Variants in WNK2 observed in about 807,000 individuals in gnomAD.
The protein encoded by WNK2 is serine/threonine-protein kinase WNK2.
Under a neutral mutation model 192.1 loss-of-function variants are expected in WNK2, and 67 were observed. That is an observed-to-expected ratio of 0.35 (90% confidence interval 0.29 to 0.43). The LOEUF is 0.43. Ranked by LOEUF, WNK2 falls within the 20% of genes least tolerant of loss-of-function variation. The pLI is 1.00. For missense variants in WNK2, 2,698 were observed against 3,089.7 expected, an observed-to-expected ratio of 0.87 and a Z score of 3.01; for synonymous variants, 1,439 against 1,393.9, an observed-to-expected ratio of 1.03 and a Z score of -0.72.
At chr9:93,209,982 A>G (rs1041692074) in intron 2 of WNK2, among the ~76,000 whole-genome samples, 6 of 151,896 alleles carry the variant, frequency 4.0e-5, no homozygotes, top group Non-Finnish European at 8.8e-5. Context: ...GGCCTGGGAG[A>G]GATGGAAGAT....
chr9:93,248,103 T>G (rs1389552908), intron 8 of WNK2, among the ~76,000 whole-genome samples: 1 of 152,216 alleles, frequency 6.6e-6, no homozygotes, highest in Non-Finnish European at 1.5e-5. Context: ...CCAGCACCTT[T>G]GGTGCCAGGG....
intron 2 of WNK2, among the ~76,000 whole-genome samples, chr9:93,221,566 G>A (rs539390190): frequency 6.6e-6 from 1 of 152,340 alleles, no homozygotes; most frequent in South Asian, 2.1e-4. Context: ...TGGCACAAGA[G>A]CTCCATCTGG....
intron 2 of WNK2, among the ~76,000 whole-genome samples, chr9:93,186,254 C>CAA (rs956115487): frequency 5.9e-5 from 9 of 152,176 alleles, no homozygotes; most frequent in African/African-American, 1.9e-4. Flanking sequence ...CATTTGTTCA[C>CAA]AAAATGGACG....
chr9:93,240,587 C>T (rs769608254), intron 7 of WNK2, among the ~76,000 whole-genome samples: 53 of 151,954 alleles, frequency 3.5e-4, no homozygotes, highest in Non-Finnish European at 5.1e-4. Flanking sequence ...GGCGCTGAGC[C>T]GACTGGAATG....
chr9:93,251,131 T>C (rs1842541004), intron 8 of WNK2, among the ~76,000 whole-genome samples: 1 of 151,430 alleles, frequency 6.6e-6, no homozygotes. Context: ...TTTATTATTT[T>C]TTGAGACAGG....
At position 93,261,900 on chromosome 9, in the gene WNK2, G is replaced by C. The variant is rs12000967; in HGVS notation, c.3153G>C (p.Ser1051=). The change falls in exon 13 of 30, where the codon TCG becomes TCC. Residue 1051 remains serine (S), a synonymous_variant. Transcript: ENST00000427277. The part of the protein sequence containing the change: ...TVPVPPAAVL[S]PPLPEVLLPA... ...CTGTGCCACCGGCTGCGGTCCTCTCGCCGCCTCTGCCGGAAGTGCTGCTGC... is the reference window on the plus strand; with the variant it reads ...CTGTGCCACCGGCTGCGGTCCTCTCCCCGCCTCTGCCGGAAGTGCTGCTGC... 181,638 of 1,604,230 alleles carry C rather than the reference G, an allele frequency of 0.11. 11,959 individuals are homozygous for C. The highest frequency in any genetic ancestry group is 0.27 in the African/African-American group (20,340 of 74,914).
Position 93,185,381 on chromosome 9 carries a change from T to A in WNK2, c.452T>A (p.Val151Glu), listed in dbSNP as rs1311582721. ...CCCAGGGAGGAGGCGGCGGCGACCG[T>A]GAGGAAGGAGGATGAGGGGGCGGCC... is the stretch of plus-strand genomic sequence containing the variant. ...GGPREEAAAT[V>E]RKEDEGAAEA... Residue 151 changes from valine (V) to glutamate (E), a missense_variant, in exon 2 of 30, where the codon GTG becomes GAG. Coordinates refer to ENST00000427277, the MANE Select transcript of WNK2 (RefSeq NM_006648.4). 2 of 1,589,552 alleles carry A rather than the reference T, an allele frequency of 1.3e-6. No homozygotes were observed. The highest frequency in any genetic ancestry group is 1.7e-6 in the Non-Finnish European group (2 of 1,170,142).
intron 2 of WNK2, among the ~76,000 whole-genome samples, chr9:93,215,730 A>G (rs1835626476): frequency 6.6e-6 from 1 of 152,168 alleles, no homozygotes. Flanking sequence ...GGACCATACT[A>G]ATTTTACACT....
intron 2 of WNK2, among the ~76,000 whole-genome samples, chr9:93,187,337 T>C (rs757826457): frequency 6.6e-6 from 1 of 152,186 alleles, no homozygotes; most frequent in Non-Finnish European, 1.5e-5. Context: ...TCCTTGACTC[T>C]AGGTGGGAAC....
At chr9:93,236,931 G>A (rs574904778) in intron 5 of WNK2, among the ~76,000 whole-genome samples, 2 of 152,356 alleles carry the variant, frequency 1.3e-5, no homozygotes, top group East Asian at 3.9e-4. Context: ...GCTCGGTGAA[G>A]CTCTGATCAA....
chr9:93,261,772 C>G (rs769521152), intron 12 of WNK2, 42 bp from the exon 13 acceptor site: 3 of 1,549,606 alleles, frequency 1.9e-6, no homozygotes, highest in South Asian at 2.4e-5. Context: ...TCAGTGAAGG[C>G]AGCGCCGGCC....
chr9:93,267,784 G>C lies in WNK2; in HGVS notation c.3735G>C (p.Thr1245=). The part of the protein sequence containing the change: ...HDFILQAERE[T]FIEQMKDVMD... The stretch of plus-strand genomic sequence containing the variant: ...TTATCCTGCAGGCCGAGCGGGAAAC[G>C]TTCATCGAGCAGATGAAGGATGTCA... The change falls in exon 17 of 30, where the codon ACG becomes ACC. Residue 1245 remains threonine (T), a synonymous_variant. Transcript: ENST00000427277. 6.2e-7 allele frequency: 1 copy of C among 1,610,036 alleles called. No individual in the cohort carries two copies. Among genetic ancestry groups the C allele is most frequent in the Admixed American group, 1.7e-5 (1 of 59,512 alleles).
Position 93,258,991 on chromosome 9 carries a change from C to G in WNK2, c.2443C>G (p.Pro815Ala). The change falls in exon 12 of 30, where the codon CCG becomes GCG. Residue 815 changes from proline to alanine, a missense_variant. By Grantham distance (27) the Pro-to-Ala change is conservative. Coordinates refer to ENST00000427277, the MANE Select transcript of WNK2 (RefSeq NM_006648.4). ...CCTGGCGGGAATCGACGGCCTCCCT[C>G]CGGCCCTCCCAGACCTGCCGACCGC... ...TPLAGIDGLP[P>A]ALPDLPTATV... 1.9e-6 allele frequency: 3 copies of G among 1,613,012 alleles called. No individual in the cohort carries two copies. The highest frequency in any genetic ancestry group is 2.5e-6 in the Non-Finnish European group (3 of 1,179,814).
intron 28 of WNK2, 105 bp downstream of exon 28, chr9:93,308,689 A>G: frequency 7.2e-7 from 1 of 1,382,460 alleles, no homozygotes; most frequent in South Asian, 1.5e-5. Flanking sequence ...TAAGCTCTTC[A>G]TTTTCATGAT....
At chr9:93,266,156 G>GGT (rs1192330245) in intron 16 of WNK2, among the ~76,000 whole-genome samples, 1 of 152,152 alleles carries the variant, frequency 6.6e-6, no homozygotes, top group African/African-American at 2.4e-5. Context: ...TTGAAGGGTG[G>GGT]GTGTGTGGCC....
intron 2 of WNK2, among the ~76,000 whole-genome samples, chr9:93,225,813 T>A (rs929697170): frequency 6.6e-6 from 1 of 152,200 alleles, no homozygotes; most frequent in African/African-American, 2.4e-5. Flanking sequence ...GAAGGCTTCC[T>A]GGGCGAACTG....
intron 2 of WNK2, among the ~76,000 whole-genome samples, chr9:93,192,860 T>C (rs1462440041): frequency 6.6e-6 from 1 of 152,182 alleles, no homozygotes; most frequent in East Asian, 1.9e-4. Context: ...CTGGCTGGAC[T>C]TGCCCCTCAC....
intron 2 of WNK2, among the ~76,000 whole-genome samples, chr9:93,206,217 C>T (rs868361905): frequency 2.0e-5 from 3 of 152,304 alleles, no homozygotes; most frequent in African/African-American, 7.2e-5. Flanking sequence ...TTTTTCCTAA[C>T]ATGTAGGGCC....
At chr9:93,190,817 G>C (rs566574244) in intron 2 of WNK2, among the ~76,000 whole-genome samples, 2 of 152,218 alleles carry the variant, frequency 1.3e-5, no homozygotes, top group Non-Finnish European at 2.9e-5. Context: ...GGTCACCCGC[G>C]TCTCCAGGCT....
Sources: allele counts gnomAD v4.1 joint callset (sites outside exome capture counted in the v4.1 genomes callset), GRCh38; gene constraint gnomAD v4.1.1; transcripts MANE v1.5; gene names NCBI Gene and HGNC (gene_info 2026-07-23, HGNC 2026-07-21).